Variants in COPG2 observed in about 807,000 individuals in gnomAD.
The protein encoded by COPG2 is coat protein complex I subunit gamma 2, also known as coatomer subunit gamma-2.
A neutral mutation model predicts 46.3 loss-of-function variants in COPG2; 37 were observed. That is an observed-to-expected ratio of 0.80 (90% CI 0.61 to 1.05). The LOEUF (loss-of-function observed/expected upper bound fraction) is 1.05, where lower values mean the gene tolerates loss of function less well. Ranked by LOEUF, COPG2 falls within the 50% of genes least tolerant of loss-of-function variation. The pLI is 0.00. For synonymous variants in COPG2, 159 were observed against 129.7 expected (o/e 1.23, Z -1.53); for missense variants, 427 against 387.8 (o/e 1.10, Z -0.85).
intron 19 of COPG2, 136 bp downstream of exon 19, chr7:130,548,267 G>A (rs1793477518): frequency 2.5e-6 from 1 of 396,094 alleles, no homozygotes; most frequent in African/African-American, 2.1e-5. Context: ...TATAGCTCTG[G>A]TGTTAAGCAA....
Position 130,557,039 on chromosome 7 carries a change from G to C in COPG2, c.1129-1907C>G, listed in dbSNP as rs1000529372. Reference sequence around the variant, plus strand: ...ATGCAATTAGATAAGGGAAAACAAAGAAACAAGAATCGGAGAAGACAAAAC... The same window carrying C: ...ATGCAATTAGATAAGGGAAAACAAACAAACAAGAATCGGAGAAGACAAAAC... On this transcript the variant is annotated intron_variant, in intron 12 of 23. Transcript: ENST00000425248. Among the ~76,000 whole-genome samples, 12 of 152,184 alleles carry C rather than the reference G, an allele frequency of 7.9e-5. No homozygotes were observed. In the East Asian group the frequency reaches 2.3e-3, roughly 29 times the overall value.
At chr7:130,582,150 T>C (rs1794160491) in intron 9 of COPG2, among the ~76,000 whole-genome samples, 2 of 146,168 alleles carry the variant, frequency 1.4e-5, no homozygotes, top group South Asian at 2.2e-4. Flanking sequence ...AAAACAGAGA[T>C]ATAGATCAAT....
intron 9 of COPG2, among the ~76,000 whole-genome samples, chr7:130,601,649 A>G (rs1254901517): frequency 6.6e-6 from 1 of 152,074 alleles, no homozygotes; most frequent in African/African-American, 2.4e-5. Context: ...GGAACATCAC[A>G]CACCGGGGCC....
chr7:130,526,817 G>T (rs1021672357), intron 20 of COPG2, among the ~76,000 whole-genome samples: 3 of 134,532 alleles, frequency 2.2e-5, no homozygotes, highest in Admixed American at 7.7e-5. Flanking sequence ...GATCCGGCGG[G>T]AAAGGGTGGG....
At chr7:130,549,990 T>C (rs1350345445) in intron 17 of COPG2, among the ~76,000 whole-genome samples, 5 of 152,222 alleles carry the variant, frequency 3.3e-5, no homozygotes, top group African/African-American at 1.2e-4. Flanking sequence ...CTTCAGATAC[T>C]GTAATGCTTT....
chr7:130,534,378 G>C (rs1009897926), intron 20 of COPG2, among the ~76,000 whole-genome samples: 1 of 152,170 alleles, frequency 6.6e-6, no homozygotes, highest in Non-Finnish European at 1.5e-5. Context: ...GGACTGCTAA[G>C]CAATGCACAG....
intron 20 of COPG2, among the ~76,000 whole-genome samples, chr7:130,538,752 G>A (rs1799908774): frequency 6.6e-6 from 1 of 152,102 alleles, no homozygotes; most frequent in African/African-American, 2.4e-5. Flanking sequence ...AAGTGTTAGA[G>A]GGAACTAATG....
At chr7:130,591,877 G>T (rs1794434769) in intron 9 of COPG2, among the ~76,000 whole-genome samples, 1 of 152,032 alleles carries the variant, frequency 6.6e-6, no homozygotes, top group African/African-American at 2.4e-5. Flanking sequence ...CCTCTGCCCG[G>T]CCACCACCCC....
At chr7:130,633,633 GGATA>G (rs1324800223) in intron 5 of COPG2, among the ~76,000 whole-genome samples, 2 of 152,122 alleles carry the variant, frequency 1.3e-5, no homozygotes, top group Non-Finnish European at 2.9e-5. Flanking sequence ...TTTGTCAGAT[GGATA>G]GACTGCAAAA....
At chr7:130,617,937 C>T (rs565179217) in intron 5 of COPG2, among the ~76,000 whole-genome samples, 1 of 151,688 alleles carries the variant, frequency 6.6e-6, no homozygotes, top group African/African-American at 2.4e-5. Context: ...CCCATCTCTA[C>T]AGATAATACA....
intron 20 of COPG2, among the ~76,000 whole-genome samples, chr7:130,542,677 T>A (rs1404722503): frequency 6.6e-6 from 1 of 152,056 alleles, no homozygotes; most frequent in Non-Finnish European, 1.5e-5. Flanking sequence ...AAATTTACAC[T>A]GGCATACCAC....
At chr7:130,537,651 T>C (rs943354718) in intron 20 of COPG2, among the ~76,000 whole-genome samples, 58 of 152,284 alleles carry the variant, frequency 3.8e-4, no homozygotes, top group African/African-American at 1.4e-3. Flanking sequence ...GAGCAGGTTA[T>C]GGAGGCCAGC....
At chr7:130,567,265 G>A (rs1324063464) in intron 9 of COPG2, among the ~76,000 whole-genome samples, 2 of 152,144 alleles carry the variant, frequency 1.3e-5, no homozygotes, top group African/African-American at 2.4e-5. Flanking sequence ...GGGAGAGGAT[G>A]AGGATAAAAA....
chr7:130,508,410 T>C, intron 21 of COPG2, 152 bp downstream of exon 21: 2 of 589,498 alleles, frequency 3.4e-6, no homozygotes, highest in Non-Finnish European at 6.1e-6. Context: ...AGAGGAGGGT[T>C]AGTCCAGGTC....
intron 4 of COPG2, among the ~76,000 whole-genome samples, chr7:130,658,847 A>C (rs1795911040): frequency 1.3e-5 from 2 of 151,976 alleles, no homozygotes; most frequent in South Asian, 4.2e-4. Flanking sequence ...CACCCAGCTA[A>C]TTTTTTGTAT....
intron 3 of COPG2, 115 bp from the exon 4 acceptor site, chr7:130,663,153 AAG>A (rs1232089673): frequency 3.3e-6 from 2 of 599,772 alleles, no homozygotes; most frequent in African/African-American, 3.9e-5. Flanking sequence ...CTCAAGAAAA[AAG>A]AATCTCTTTG....
At chr7:130,512,885 C>T (rs1342557719) in intron 20 of COPG2, among the ~76,000 whole-genome samples, 2 of 152,000 alleles carry the variant, frequency 1.3e-5, no homozygotes, top group East Asian at 1.9e-4. Flanking sequence ...CAGACATTTC[C>T]TAGGGAAACA....
intron 9 of COPG2, chr7:130,603,840 CAA>C (rs1563056458): frequency 1.9e-6 from 1 of 519,056 alleles, no homozygotes; most frequent in Admixed American, 1.9e-5. Flanking sequence ...CATGTAGCTG[CAA>C]ATTCACATGT....
chr7:130,595,039 T>C (rs1189070019), intron 9 of COPG2, among the ~76,000 whole-genome samples: 3 of 152,180 alleles, frequency 2.0e-5, no homozygotes, highest in African/African-American at 7.2e-5. Flanking sequence ...CTGAAATGTA[T>C]TGTCACATAA....
Sources: allele counts gnomAD v4.1 joint callset (sites outside exome capture counted in the v4.1 genomes callset), GRCh38; gene constraint gnomAD v4.1.1; transcripts MANE v1.5; gene names NCBI Gene and HGNC (gene_info 2026-07-23, HGNC 2026-07-21).